SYT13: variants seen among roughly 807,000 people sequenced by gnomAD.
SYT13 encodes synaptotagmin-13.
Under a neutral mutation model 38.6 loss-of-function variants are expected in SYT13, and 21 were observed. The observed-to-expected ratio is 0.54, with a 90% CI of 0.39 to 0.78. The LOEUF (loss-of-function observed/expected upper bound fraction) is 0.78. Among genes scored for constraint, SYT13 ranks in the 30% least tolerant of loss-of-function variants. SYT13 has a pLI of 0.00. For synonymous variants in SYT13, 241 were observed against 237.6 expected, an observed-to-expected ratio of 1.01 and a Z score of -0.13; for missense variants, 495 against 548.7, an observed-to-expected ratio of 0.90 and a Z score of 0.98.
At chr11:45,285,054 G>A (rs1855117852) in intron 1 of SYT13, among the ~76,000 whole-genome samples, 1 of 152,168 alleles carries the variant, frequency 6.6e-6, no homozygotes, top group African/African-American at 2.4e-5. Flanking sequence ...AGTCTATAAG[G>A]GATCTAGAGG....
In SYT13 at chr11:45,286,180, G is replaced by A. The variant is rs1006718817; in HGVS notation, c.28C>T (p.Leu10=). 5 of 1,577,234 alleles carry A rather than the reference G, an allele frequency of 3.2e-6. No individual in the cohort carries two copies. Among genetic ancestry groups the A allele is most frequent in the Admixed American group, 3.7e-5 (2 of 53,652 alleles). The change falls in exon 1 of 6, where the codon CTG becomes TTG. Residue 10 remains leucine, a synonymous_variant. Transcript: ENST00000020926. ...GTGGCTGTGCCCAGCGTGGCGCCCA[G>A]CGCGATCACAGGCACCGACAGCACC... The part of the protein sequence containing the change: MVLSVPVIA[L]GATLGTATSI...
At chr11:45,266,519 C>T (rs1049788566) in intron 1 of SYT13, among the ~76,000 whole-genome samples, 5 of 151,786 alleles carry the variant, frequency 3.3e-5, no homozygotes, top group Middle Eastern at 3.4e-3. Flanking sequence ...CACACACACA[C>T]ACACACACAC....
chr11:45,283,008 C>G (rs535798078), intron 1 of SYT13, among the ~76,000 whole-genome samples: 2 of 152,050 alleles, frequency 1.3e-5, no homozygotes, highest in African/African-American at 2.4e-5. Flanking sequence ...ATTAGTCAGG[C>G]GTGGTGGCAC....
Position 45,254,314 on chromosome 11 carries a change from T to C in SYT13, c.500A>G (p.Asp167Gly). Residue 167 changes from aspartate (D) to glycine (G), a missense_variant, in exon 3 of 6, where the codon GAC becomes GGC. Transcript: ENST00000020926. The stretch of plus-strand genomic sequence containing the variant: ...CAATTCTGCCTTCTGACAGTCATAG[T>C]CCAGGCAGTAGTGGAGTTTGGGGGC... ...NQAPKLHYCL[D>G]YDCQKAELFV... The C allele has an allele frequency of 6.2e-7, 1 of 1,613,722 alleles. No homozygotes were observed. The highest frequency in any genetic ancestry group is 8.5e-7 in the Non-Finnish European group (1 of 1,179,856).
chr11:45,281,322 A>T (rs1450643777), intron 1 of SYT13, among the ~76,000 whole-genome samples: 1 of 152,142 alleles, frequency 6.6e-6, no homozygotes, highest in Non-Finnish European at 1.5e-5. Flanking sequence ...AGAGGATGGG[A>T]TTGTAGAGTT....
Position 45,260,595 on chromosome 11 carries a change from T to G in SYT13, c.184-4704A>C, listed in dbSNP as rs538632309. On this transcript the variant is annotated intron_variant, in intron 1 of 5. Transcript: ENST00000020926. Reference sequence around the variant, plus strand: ...TAGAATCAGATATTCTCTGTCTACGTGTCCCTTGAAGCCCAGGAATAGAGC... The same window carrying G: ...TAGAATCAGATATTCTCTGTCTACGGGTCCCTTGAAGCCCAGGAATAGAGC... 1.7e-3 allele frequency among the ~76,000 whole-genome samples: 266 copies of G among 152,266 alleles called. 1 individual carries two copies. Among genetic ancestry groups the G allele is most frequent in the African/African-American group, 6.2e-3 (257 of 41,550 alleles).
Position 45,240,372 on chromosome 11 carries a change from C to G in SYT13, c.*3680G>C, listed in dbSNP as rs1412779547. The stretch of plus-strand genomic sequence containing the variant: ...AAGTGTCACACCAGACATATGACTA[C>G]AATGTCTCATGCATCTTTTTGTGCT... On this transcript the variant is annotated 3_prime_UTR_variant, in exon 6 of 6. Coordinates refer to ENST00000020926, the MANE Select transcript of SYT13 (RefSeq NM_020826.3). 6.6e-6 allele frequency: 1 copy of G among 152,644 alleles called. No homozygotes were observed. The highest frequency in any genetic ancestry group is 1.5e-5 in the Non-Finnish European group (1 of 68,054). The allele number at this position is 152,644 out of a possible 1,614,324, so 9.5% of individuals were successfully genotyped here. A position where few individuals can be genotyped will look rare whatever the true frequency, so the allele number is the denominator to read the frequency against.
At chr11:45,259,662 C>A (rs1432314291) in intron 1 of SYT13, among the ~76,000 whole-genome samples, 1 of 152,196 alleles carries the variant, frequency 6.6e-6, no homozygotes, top group Non-Finnish European at 1.5e-5. Context: ...TCCCCAGCTC[C>A]CAGGAAGAGG....
At chr11:45,255,258 G>A (rs1352362316) in intron 2 of SYT13, among the ~76,000 whole-genome samples, 1 of 152,160 alleles carries the variant, frequency 6.6e-6, no homozygotes, top group Non-Finnish European at 1.5e-5. Context: ...CTACCAGACA[G>A]ATAATAGTCT....
Position 45,286,021 on chromosome 11 carries a change from T to C in SYT13, c.183+4A>G. On this transcript the variant is annotated splice_donor_region_variant and intron_variant, in intron 1 of 5. Transcript: ENST00000020926. ...GGAAGGGCCTGCGCGCCGCCCCCGCTCACCTGTTGTGCAGACCCGAGCAAG... is the reference window on the plus strand; with the variant it reads ...GGAAGGGCCTGCGCGCCGCCCCCGCCCACCTGTTGTGCAGACCCGAGCAAG... The C allele has an allele frequency of 6.2e-7, 1 of 1,605,700 alleles. No individual in the cohort carries two copies. The highest frequency in any genetic ancestry group is 1.7e-5 in the Admixed American group (1 of 59,730).
chr11:45,263,108 C>G (rs1221728164), intron 1 of SYT13, among the ~76,000 whole-genome samples: 1 of 152,166 alleles, frequency 6.6e-6, no homozygotes, highest in Non-Finnish European at 1.5e-5. Flanking sequence ...GCACAGACGC[C>G]TCCGGCTCTG....
chr11:45,250,861 C>T (rs1854665469), intron 4 of SYT13, among the ~76,000 whole-genome samples: 1 of 152,144 alleles, frequency 6.6e-6, no homozygotes, highest in African/African-American at 2.4e-5. Context: ...TCATATTTGT[C>T]AGGTGGCTTT....
chr11:45,285,742 C>T (rs1855126011), intron 1 of SYT13: 1 of 665,412 alleles, frequency 1.5e-6, no homozygotes, highest in East Asian at 2.8e-5. Context: ...CCTTTCCTGT[C>T]CCCTCCCTTT....
Position 45,243,597 on chromosome 11 carries a change from G to T in SYT13, c.*455C>A, listed in dbSNP as rs1008936322. 1 of 154,662 alleles carries T rather than the reference G, an allele frequency of 6.5e-6. No individual in the cohort carries two copies. Among genetic ancestry groups the T allele is most frequent in the African/African-American group, 2.4e-5 (1 of 41,510 alleles). 9.6% of individuals were successfully genotyped at this position (154,662 alleles called of 1,614,324 possible). A position where few individuals can be genotyped will look rare whatever the true frequency, so the allele number is the denominator to read the frequency against. ...AACTGCCGGGTGACTGCCCTGCATG[G>T]TGAGCTTGATTGAACGCTGGCTAAG... On this transcript the variant is annotated 3_prime_UTR_variant, in exon 6 of 6. Transcript: ENST00000020926.
intron 1 of SYT13, among the ~76,000 whole-genome samples, chr11:45,259,414 T>C (rs1428654722): frequency 1.3e-5 from 2 of 152,220 alleles, no homozygotes; most frequent in Admixed American, 1.3e-4. Flanking sequence ...ATCACTGGGC[T>C]CAGCTCTGAA....
intron 1 of SYT13, among the ~76,000 whole-genome samples, chr11:45,274,522 T>A (rs1251546601): frequency 6.6e-6 from 1 of 152,222 alleles, no homozygotes; most frequent in East Asian, 1.9e-4. Flanking sequence ...CTTTCCTCTA[T>A]GTGAAGTGAC....
chr11:45,255,965 C>T (rs1369884388), intron 1 of SYT13, 74 bp from the exon 2 acceptor site: 6 of 1,473,670 alleles, frequency 4.1e-6, no homozygotes, highest in African/African-American at 2.8e-5. Context: ...AAGGGAGAAA[C>T]GGTGAACTGA....
At chr11:45,256,975 G>A (rs1854755802) in intron 1 of SYT13, among the ~76,000 whole-genome samples, 2 of 152,134 alleles carry the variant, frequency 1.3e-5, no homozygotes, top group African/African-American at 4.8e-5. Context: ...CAGCTCACAG[G>A]GAGCATGCAA....
At chr11:45,255,984 A>T in intron 1 of SYT13, 93 bp from the exon 2 acceptor site, 1 of 1,281,650 alleles carries the variant, frequency 7.8e-7, no homozygotes, top group South Asian at 1.3e-5. Flanking sequence ...GACCTGTTGT[A>T]GGATGCAGAG....
Sources: gnomAD v4.1 joint callset for allele counts (sites outside exome capture counted in the v4.1 genomes callset) on GRCh38, gnomAD v4.1.1 for gene constraint, MANE v1.5 for transcripts, NCBI Gene and HGNC (gene_info 2026-07-23, HGNC 2026-07-21) for gene names.